The following FOXP2 variants were observed in gnomAD, a reference collection of about 807,000 sequenced individuals.
FOXP2 encodes forkhead box protein P2.
In FOXP2, 12 loss-of-function variants were observed where a neutral mutation model predicts 115.8. The observed-to-expected ratio is 0.10, with a 90% CI of 0.07 to 0.17. The LOEUF is 0.17. Among genes scored for constraint, FOXP2 ranks in the 10% least tolerant of loss-of-function variants. The pLI is 1.00. For missense variants in FOXP2, 629 were observed against 843.5 expected (o/e 0.75, Z 3.15); for synonymous variants, 328 against 297.7 (o/e 1.10, Z -1.05).
At chr7:114,610,264 A>G (rs1189569865) in intron 3 of FOXP2, among the ~76,000 whole-genome samples, 2 of 152,212 alleles carry the variant, frequency 1.3e-5, no homozygotes, top group Non-Finnish European at 2.9e-5. Flanking sequence ...ATTCTTGTAT[A>G]TTACTGTCTA....
At chr7:114,193,250 G>A (rs2129157892) in intron 1 of FOXP2, among the ~76,000 whole-genome samples, 1 of 152,136 alleles carries the variant, frequency 6.6e-6, no homozygotes, top group South Asian at 2.1e-4. Flanking sequence ...AATCATCCAT[G>A]TGAGGAATGA....
At chr7:114,484,242 G>A (rs1489685966) in intron 2 of FOXP2, among the ~76,000 whole-genome samples, 4 of 151,740 alleles carry the variant, frequency 2.6e-5, no homozygotes, top group Non-Finnish European at 5.9e-5. Context: ...ATCTAATTGT[G>A]CTCTATTGAC....
At chr7:114,650,178 T>C (rs1278641288) in intron 8 of FOXP2, among the ~76,000 whole-genome samples, 1 of 152,106 alleles carries the variant, frequency 6.6e-6, no homozygotes, top group East Asian at 1.9e-4. Context: ...TTGTACTTTT[T>C]TTAGTTCTTT....
At position 114,629,603 on chromosome 7, in the gene FOXP2, T is replaced by C. The variant is rs767370076; in HGVS notation, c.397-202T>C. On this transcript the variant is annotated intron_variant, in intron 4 of 16. Transcript: ENST00000350908. ...ACCCTTTTGTTTAGGATTTTTTGGA[T>C]TCTGGATTGGAAAATTTCAGAGCTG... The C allele has an allele frequency of 1.2e-5, 18 of 1,556,848 alleles. No homozygotes were observed. The South Asian group carries it at 1.5e-4, about 13-fold the overall frequency.
intron 2 of FOXP2, among the ~76,000 whole-genome samples, chr7:114,392,664 T>C (rs1181741183): frequency 2.0e-5 from 3 of 152,170 alleles, no homozygotes; most frequent in African/African-American, 7.2e-5. Context: ...ATTGTCAGGC[T>C]CCACACAGTG....
At chr7:114,144,483 T>C (rs894944808) in intron 1 of FOXP2, among the ~76,000 whole-genome samples, 7 of 152,140 alleles carry the variant, frequency 4.6e-5, no homozygotes, top group African/African-American at 1.4e-4. Flanking sequence ...GAGCATCATC[T>C]TCAGTTCTTA....
intron 2 of FOXP2, among the ~76,000 whole-genome samples, chr7:114,427,183 C>G (rs1450443861): frequency 2.6e-5 from 4 of 151,628 alleles, no homozygotes; most frequent in Non-Finnish European, 5.9e-5. Context: ...ATCATGTAAA[C>G]ACTACGATCT....
chr7:114,274,125 G>C (rs543659193), intron 1 of FOXP2, among the ~76,000 whole-genome samples: 2 of 150,604 alleles, frequency 1.3e-5, no homozygotes, highest in Non-Finnish European at 3.0e-5. Context: ...TTGCAATATA[G>C]ACTTACAACT....
chr7:114,116,378 GT>G (rs1479954372), intron 1 of FOXP2, among the ~76,000 whole-genome samples: 1 of 152,030 alleles, frequency 6.6e-6, no homozygotes, highest in East Asian at 1.9e-4. Context: ...TTCTAGACTT[GT>G]TTTTTGCTAG....
intron 2 of FOXP2, among the ~76,000 whole-genome samples, chr7:114,359,662 G>C (rs1016031801): frequency 2.6e-4 from 40 of 152,234 alleles, no homozygotes; most frequent in Admixed American, 2.6e-3. Context: ...AGTCAAAGGA[G>C]ATCATTTTGG....
At chr7:114,280,888 A>G (rs759319896) in intron 1 of FOXP2, among the ~76,000 whole-genome samples, 16 of 152,030 alleles carry the variant, frequency 1.1e-4, no homozygotes, top group Non-Finnish European at 1.8e-4. Context: ...ACATGATATC[A>G]CATTTTAACT....
chr7:114,369,822 CT>C (rs1243154008), intron 2 of FOXP2, among the ~76,000 whole-genome samples: 1 of 151,738 alleles, frequency 6.6e-6, no homozygotes, highest in East Asian at 1.9e-4. Context: ...AATCGAGTTC[CT>C]TCTATATATA....
At chr7:114,271,473 G>T (rs1796035577) in intron 1 of FOXP2, among the ~76,000 whole-genome samples, 1 of 131,166 alleles carries the variant, frequency 7.6e-6, no homozygotes, top group Non-Finnish European at 1.6e-5. Context: ...TTACTGAGAG[G>T]ATTTATATAT....
intron 1 of FOXP2, among the ~76,000 whole-genome samples, chr7:114,147,257 A>T (rs1242273541): frequency 6.6e-6 from 1 of 152,190 alleles, no homozygotes; most frequent in Non-Finnish European, 1.5e-5. Context: ...AAATGCTATG[A>T]AGTTCCCTTT....
chr7:114,199,036 T>A (rs948226785), intron 1 of FOXP2, among the ~76,000 whole-genome samples: 12 of 152,206 alleles, frequency 7.9e-5, no homozygotes, highest in African/African-American at 2.9e-4. Flanking sequence ...GTTTTTTAGA[T>A]AAGGTCTTAC....
rs546074684 is a variant in FOXP2 at position 114,179,896 on chromosome 7, AT to A, written c.-102+16816del. On this transcript the variant is annotated intron_variant, in intron 1 of 17. Coordinates refer to the FOXP2 transcript ENST00000634411. ...AAGGAGACTATCATCAGATTTGAGA[AT>A]TTTTTTTCTGGACTGTAACTCCTGT... Among the ~76,000 whole-genome samples the A allele has an allele frequency of 2.4e-3, 367 of 151,738 alleles. 1 individual carries two copies. Among genetic ancestry groups the A allele is most frequent in the African/African-American group, 7.1e-3 (296 of 41,408 alleles).
chr7:114,509,960 G>A (rs1251830892), intron 2 of FOXP2, among the ~76,000 whole-genome samples: 1 of 152,004 alleles, frequency 6.6e-6, no homozygotes, highest in African/African-American at 2.4e-5. Flanking sequence ...TTTGAGATCG[G>A]GAGAGGTAGA....
intron 3 of FOXP2, among the ~76,000 whole-genome samples, chr7:114,626,740 AT>A (rs35624480): frequency 2.0e-5 from 3 of 151,538 alleles, no homozygotes; most frequent in East Asian, 1.9e-4. Context: ...AGATTGATAC[AT>A]TTTTTTTCTC....
intron 1 of FOXP2, among the ~76,000 whole-genome samples, chr7:114,277,559 C>T (rs1315036112): frequency 2.0e-5 from 3 of 151,932 alleles, no homozygotes; most frequent in Non-Finnish European, 4.4e-5. Flanking sequence ...ACTTGCAAGC[C>T]AGTTTCCTAC....
Sources: allele counts gnomAD v4.1 joint callset (sites outside exome capture counted in the v4.1 genomes callset), GRCh38; gene constraint gnomAD v4.1.1; transcripts MANE v1.5; gene names NCBI Gene and HGNC (gene_info 2026-07-23, HGNC 2026-07-21).